PKNOX2: variants seen among roughly 807,000 people sequenced by gnomAD.
PKNOX2 encodes the protein homeobox protein PKNOX2.
PKNOX2 carries 14 observed loss-of-function variants against 53.1 expected under a neutral mutation model. That is an observed-to-expected ratio of 0.26 (90% CI 0.17 to 0.41). The LOEUF (loss-of-function observed/expected upper bound fraction) is 0.41, where lower values mean the gene tolerates loss of function less well. Ranked by LOEUF, PKNOX2 falls within the 10% of genes least tolerant of loss-of-function variation. The pLI is 1.00. For missense variants in PKNOX2, 496 were observed against 602.8 expected (o/e 0.82, Z 1.85); for synonymous variants, 257 against 242.8 (o/e 1.06, Z -0.54).
At chr11:125,425,822 T>C (rs1194987661) in intron 10 of PKNOX2, among the ~76,000 whole-genome samples, 2 of 152,248 alleles carry the variant, frequency 1.3e-5, no homozygotes, top group Non-Finnish European at 2.9e-5. Context: ...CACTCAGATG[T>C]GGTGCCAGGA....
At chr11:125,279,369 A>G (rs1946398917) in intron 2 of PKNOX2, among the ~76,000 whole-genome samples, 3 of 152,254 alleles carry the variant, frequency 2.0e-5, no homozygotes, top group Non-Finnish European at 4.4e-5. Flanking sequence ...CTAGCGGGGA[A>G]CATCAGACTG....
intron 2 of PKNOX2, among the ~76,000 whole-genome samples, chr11:125,238,778 G>C (rs191896415): frequency 2.1e-4 from 32 of 152,184 alleles, no homozygotes; most frequent in Non-Finnish European, 3.7e-4. Context: ...ATTTAATTTG[G>C]GCACATGAAG....
At chr11:125,404,707 G>T (rs1257806267) in intron 7 of PKNOX2, among the ~76,000 whole-genome samples, 3 of 152,088 alleles carry the variant, frequency 2.0e-5, no homozygotes, top group Non-Finnish European at 4.4e-5. Flanking sequence ...CATGTATCTC[G>T]CATGTACCAT....
intron 2 of PKNOX2, among the ~76,000 whole-genome samples, chr11:125,280,060 C>T (rs1275145134): frequency 6.7e-6 from 1 of 149,926 alleles, no homozygotes; most frequent in Non-Finnish European, 1.5e-5. Context: ...TGGAAGATAC[C>T]CACAGAAAAA....
intron 10 of PKNOX2, among the ~76,000 whole-genome samples, chr11:125,417,135 C>A (rs1445289640): frequency 6.6e-6 from 1 of 151,992 alleles, no homozygotes; most frequent in Non-Finnish European, 1.5e-5. Context: ...CGGCCGAGAG[C>A]CCATGGCAGA....
chr11:125,408,683 TC>T (rs893348949), intron 7 of PKNOX2, among the ~76,000 whole-genome samples: 70 of 152,294 alleles, frequency 4.6e-4, no homozygotes, highest in African/African-American at 1.5e-3. Context: ...AGTGCCGACT[TC>T]CACTTCCTGA....
At chr11:125,424,604 A>G (rs1956320530) in intron 10 of PKNOX2, among the ~76,000 whole-genome samples, 1 of 152,058 alleles carries the variant, frequency 6.6e-6, no homozygotes, top group African/African-American at 2.4e-5. Flanking sequence ...ATGGCAGGAA[A>G]CCTAATGGAA....
At chr11:125,200,330 C>T (rs1938295493) in intron 1 of PKNOX2, among the ~76,000 whole-genome samples, 1 of 152,232 alleles carries the variant, frequency 6.6e-6, no homozygotes, top group South Asian at 2.1e-4. Flanking sequence ...CCCCCTACAC[C>T]TTAACTTGTG....
chr11:125,193,471 C>T (rs577151083), intron 1 of PKNOX2, among the ~76,000 whole-genome samples: 5 of 152,124 alleles, frequency 3.3e-5, no homozygotes, highest in South Asian at 2.1e-4. Flanking sequence ...GCCTTCTGTC[C>T]GTGCCAGTGT....
chr11:125,184,919 T>A (rs942484883), intron 1 of PKNOX2, among the ~76,000 whole-genome samples: 1 of 152,154 alleles, frequency 6.6e-6, no homozygotes, highest in Non-Finnish European at 1.5e-5. Flanking sequence ...TCATGATGGG[T>A]AGGCAACGTC....
chr11:125,184,107 G>A (rs1956317914), intron 1 of PKNOX2: 1 of 152,248 alleles, frequency 6.6e-6, no homozygotes, highest in South Asian at 2.1e-4. Context: ...ACCATGGAAA[G>A]TTTAATGATA....
intron 9 of PKNOX2, chr11:125,411,422 C>G (rs911792598): frequency 1.4e-4 from 61 of 423,320 alleles, no homozygotes; most frequent in African/African-American, 1.2e-3. Context: ...AAATTCATAT[C>G]TTCTCCTGTT....
At chr11:125,193,995 A>G (rs768115175) in intron 1 of PKNOX2, among the ~76,000 whole-genome samples, 1 of 152,200 alleles carries the variant, frequency 6.6e-6, no homozygotes, top group African/African-American at 2.4e-5. Context: ...AGCTAAGACA[A>G]TATCGAAGGG....
intron 2 of PKNOX2, among the ~76,000 whole-genome samples, chr11:125,267,313 C>G (rs1443896093): frequency 6.6e-6 from 1 of 152,172 alleles, no homozygotes; most frequent in Non-Finnish European, 1.5e-5. Context: ...GTGCTCGTAT[C>G]TGGAGTGAAT....
At chr11:125,174,218 CA>C (rs1383067236) in intron 1 of PKNOX2, among the ~76,000 whole-genome samples, 1 of 152,156 alleles carries the variant, frequency 6.6e-6, no homozygotes, top group African/African-American at 2.4e-5. Flanking sequence ...CCAGGGGCGA[CA>C]GGTGCTTGTT....
intron 1 of PKNOX2, among the ~76,000 whole-genome samples, chr11:125,177,116 C>T (rs965760185): frequency 1.3e-5 from 2 of 152,092 alleles, no homozygotes; most frequent in African/African-American, 4.8e-5. Flanking sequence ...CACAGGGGGA[C>T]TATATTTATT....
intron 6 of PKNOX2, among the ~76,000 whole-genome samples, chr11:125,394,461 A>G (rs1954265326): frequency 6.6e-6 from 1 of 152,020 alleles, no homozygotes; most frequent in African/African-American, 2.4e-5. Flanking sequence ...CTAATTTAGT[A>G]CTCCAAAAAC....
intron 6 of PKNOX2, among the ~76,000 whole-genome samples, chr11:125,392,339 G>T (rs1479419908): frequency 2.0e-5 from 3 of 152,204 alleles, no homozygotes; most frequent in Non-Finnish European, 4.4e-5. Flanking sequence ...TCAAATCCAG[G>T]CTGCCTGACA....
At chr11:125,183,894 A>G (rs1178640074) in intron 1 of PKNOX2, among the ~76,000 whole-genome samples, 1 of 152,198 alleles carries the variant, frequency 6.6e-6, no homozygotes, top group African/African-American at 2.4e-5. Flanking sequence ...GAGAACATGA[A>G]TGGGCTATTA....
Sources: gnomAD v4.1 joint callset for allele counts (sites outside exome capture counted in the v4.1 genomes callset) on GRCh38, gnomAD v4.1.1 for gene constraint, MANE v1.5 for transcripts, NCBI Gene and HGNC (gene_info 2026-07-23, HGNC 2026-07-21) for gene names.